DMD: variants seen among roughly 807,000 people sequenced by gnomAD.
DMD encodes the protein dystrophin, also known as mutant dystrophin.
A neutral mutation model predicts 330.1 loss-of-function variants in DMD; 63 were observed. The observed-to-expected ratio is 0.19, with a 90% CI of 0.16 to 0.24. The LOEUF (loss-of-function observed/expected upper bound fraction) is 0.24. Among genes scored for constraint, DMD ranks in the 10% least tolerant of loss-of-function variants. The pLI is 1.00. For synonymous variants in DMD, 1,223 were observed against 959.8 expected (o/e 1.27, Z -5.07); for missense variants, 3,344 against 2,684.1 (o/e 1.25, Z -5.43).
intron 7 of DMD, among the ~76,000 whole-genome samples, chrX:32,790,547 C>T (rs1201422804): frequency 9.0e-6 from 1 of 111,463 alleles, no homozygotes; most frequent in African/African-American, 3.3e-5. Flanking sequence ...CAGTCTATGT[C>T]CTGACCTAGG....
chrX:32,677,602 C>CA, intron 9 of DMD, among the ~76,000 whole-genome samples: 1 of 111,574 alleles, frequency 9.0e-6, no homozygotes, highest in East Asian at 2.8e-4. Context: ...CAATAACTTA[C>CA]AAGAAAATAC....
At chrX:33,279,973 T>TATCAAGTTCTTGATATCTAGATATCTA (rs1204116687) in intron 1 of DMD, among the ~76,000 whole-genome samples, 2 of 107,133 alleles carry the variant, frequency 1.9e-5, no homozygotes, top group Admixed American at 2.0e-4. Context: ...TCTAGATATA[T>TATCAAGTTCTTGATATCTAGATATCTA]GGTTTGCCAA....
In DMD at chrX:32,454,795, T is replaced by A. The variant is rs1157651545; in HGVS notation, c.3470A>T (p.Glu1157Val). The change falls in exon 26 of 79, where the codon GAG (glutamate) becomes GTG (valine). Residue 1157 changes from glutamate (E) to valine (V), a missense_variant. Glu to Val is a moderately radical substitution (Grantham distance 121). Coordinates refer to ENST00000357033, the MANE Select transcript of DMD (RefSeq NM_004006.3). ...ATCTTTCTGGAGGCTTACAGTTTTC[T>A]CCAAACCTCCCTTCAAGGCCTCCTT... The part of the protein sequence containing the change: ...ARKEALKGGL[E>V]KTVSLQKDLS... 1 of 1,208,099 alleles carries A rather than the reference T, an allele frequency of 8.3e-7. No homozygotes were observed. Among genetic ancestry groups the A allele is most frequent in the Non-Finnish European group, 1.1e-6 (1 of 893,345 alleles).
intron 12 of DMD, among the ~76,000 whole-genome samples, chrX:32,604,529 A>T: frequency 9.1e-6 from 1 of 110,446 alleles, no homozygotes; most frequent in Admixed American, 9.7e-5. Context: ...CTCCAATTCA[A>T]CATAGTACTG....
intron 9 of DMD, among the ~76,000 whole-genome samples, chrX:32,654,544 C>T (rs915033005): frequency 3.6e-5 from 4 of 111,556 alleles, no homozygotes; most frequent in Non-Finnish European, 5.6e-5. Flanking sequence ...CTGCTGGATT[C>T]GGATTGCCAG....
At chrX:31,486,775 T>C (rs1176872280) in intron 57 of DMD, among the ~76,000 whole-genome samples, 3 of 112,321 alleles carry the variant, frequency 2.7e-5, no homozygotes, top group Non-Finnish European at 5.6e-5. Flanking sequence ...GTCATCATTC[T>C]TGTTCCTGTG....
In DMD at chrX:32,298,853, T is replaced by G. The variant is rs775152952; in HGVS notation, c.6118-11152A>C. Among the ~76,000 whole-genome samples the G allele has an allele frequency of 7.6e-4, 69 of 90,726 alleles. 1 individual carries two copies. The highest frequency in any genetic ancestry group is 2.3e-3 in the Admixed American group (20 of 8,797). The allele number at this position is 90,726 out of a possible 115,157, so 78.8% of individuals were successfully genotyped here. A position where few individuals can be genotyped will look rare whatever the true frequency, so the allele number is the denominator to read the frequency against. On this transcript the variant is annotated intron_variant, in intron 42 of 78. Transcript: ENST00000357033. The stretch of plus-strand genomic sequence containing the variant: ...AGGGAGTTAGCCCTTTGATGGTTGA[T>G]TCTGCTTAAGGCTACATCAAGGTGT...
intron 7 of DMD, among the ~76,000 whole-genome samples, chrX:32,714,822 T>C (rs1371945439): frequency 1.8e-5 from 2 of 112,116 alleles, no homozygotes; most frequent in Non-Finnish European, 3.8e-5. Flanking sequence ...TTTTTAAAAA[T>C]AATTTTATTG....
intron 30 of DMD, among the ~76,000 whole-genome samples, chrX:32,392,679 C>G (rs760877547): frequency 8.9e-6 from 1 of 112,503 alleles, no homozygotes; most frequent in Non-Finnish European, 1.9e-5. Context: ...TGGGTTGACT[C>G]TTTGACTGCT....
rs185551599 is a variant in DMD, at chrX:32,878,203, A to G, written c.94-28383T>C. On this transcript the variant is annotated intron_variant, in intron 2 of 78. Transcript: ENST00000357033. ...ATCCTGGCTAACACGGTGAAACCCCATCTCTCTCTAATAAAAAGACAAAAA... is the reference window on the plus strand; with the variant it reads ...ATCCTGGCTAACACGGTGAAACCCCGTCTCTCTCTAATAAAAAGACAAAAA... Among the ~76,000 whole-genome samples the G allele has an allele frequency of 8.2e-3, 913 of 110,946 alleles. 8 individuals are homozygous for G. The highest frequency in any genetic ancestry group is 0.028 in the African/African-American group (861 of 30,467).
intron 45 of DMD, among the ~76,000 whole-genome samples, chrX:31,943,334 A>G (rs1001133004): frequency 5.3e-5 from 6 of 112,545 alleles, no homozygotes; most frequent in Admixed American, 1.9e-4. Flanking sequence ...TCATGAAAAT[A>G]TCTATGATAA....
At chrX:32,770,535 T>C (rs777674487) in intron 7 of DMD, among the ~76,000 whole-genome samples, 1 of 111,732 alleles carries the variant, frequency 8.9e-6, no homozygotes, top group South Asian at 3.8e-4. Flanking sequence ...AACCTAAATG[T>C]ATTTGAGGGC....
At chrX:32,526,022 A>ATTT (rs1420500426) in intron 17 of DMD, among the ~76,000 whole-genome samples, 1 of 111,579 alleles carries the variant, frequency 9.0e-6, no homozygotes, top group Non-Finnish European at 1.9e-5. Flanking sequence ...CTTATGTATC[A>ATTT]TAAGTTGCTC....
chrX:31,724,816 A>ATAT (rs1168904513), intron 52 of DMD, among the ~76,000 whole-genome samples: 2 of 112,089 alleles, frequency 1.8e-5, no homozygotes, highest in Non-Finnish European at 1.9e-5. Flanking sequence ...TACTATTATT[A>ATAT]GCCCCACATG....
At chrX:32,477,644 C>A (rs189618231) in intron 21 of DMD, among the ~76,000 whole-genome samples, 1 of 110,347 alleles carries the variant, frequency 9.1e-6, no homozygotes, top group African/African-American at 3.3e-5. Flanking sequence ...GCAAAGTAAA[C>A]AGAGAAGTAT....
At chrX:32,943,448 G>C (rs2146840401) in intron 2 of DMD, among the ~76,000 whole-genome samples, 1 of 111,150 alleles carries the variant, frequency 9.0e-6, no homozygotes, top group South Asian at 3.7e-4. Context: ...GTGTATTACA[G>C]TCTGCTTTAT....
At chrX:31,369,546 G>A (rs2059433547) in intron 60 of DMD, among the ~76,000 whole-genome samples, 1 of 111,726 alleles carries the variant, frequency 9.0e-6, no homozygotes. Context: ...GGGCAATTGG[G>A]TGAAGCGTAG....
chrX:32,177,628 A>ATCTC (rs774578450), intron 44 of DMD, among the ~76,000 whole-genome samples: 1,100 of 104,728 alleles, frequency 0.011, 15 homozygotes, highest in African/African-American at 0.037. Context: ...CTCTCTCTCA[A>ATCTC]TCTCTCTCTC....
chrX:31,358,628 G>A (rs1236194655), intron 60 of DMD, among the ~76,000 whole-genome samples: 1 of 112,398 alleles, frequency 8.9e-6, no homozygotes, highest in Non-Finnish European at 1.9e-5. Flanking sequence ...TTAACGTATA[G>A]CAGTGAACTC....
Sources: allele counts gnomAD v4.1 joint callset (sites outside exome capture counted in the v4.1 genomes callset), GRCh38; gene constraint gnomAD v4.1.1; transcripts MANE v1.5; gene names NCBI Gene and HGNC (gene_info 2026-07-23, HGNC 2026-07-21).